GRK5: variants seen among roughly 807,000 people sequenced by gnomAD.
GRK5 encodes g protein-coupled receptor kinase GRK5.
In GRK5, 40 loss-of-function variants were observed where a neutral mutation model predicts 78.4. The ratio of observed to expected loss-of-function variants is 0.51; its 90% confidence interval spans 0.40 to 0.66. The LOEUF is 0.66. Among genes scored for constraint, GRK5 ranks in the 30% least tolerant of loss-of-function variants. The pLI is 0.00. For synonymous variants in GRK5, 289 were observed against 296.8 expected, an observed-to-expected ratio of 0.97 and a Z score of 0.27; for missense variants, 598 against 759.9, an observed-to-expected ratio of 0.79 and a Z score of 2.50.
chr10:119,431,890 G>A lies in GRK5; in HGVS notation c.738+363G>A, dbSNP rs181084381. Among the ~76,000 whole-genome samples, 184 of 152,332 alleles carry A rather than the reference G, an allele frequency of 1.2e-3. No individual in the cohort carries two copies. Among genetic ancestry groups the A allele is most frequent in the African/African-American group, 3.7e-3 (154 of 41,576 alleles). ...ACAGACCCTCTAGGCTGGTGCCATCGTGGTGGGGACCTTAGTGCCAGCATC... is the reference window on the plus strand; with the variant it reads ...ACAGACCCTCTAGGCTGGTGCCATCATGGTGGGGACCTTAGTGCCAGCATC... On this transcript the variant is annotated intron_variant, in intron 8 of 15. Transcript: ENST00000392870. The surrounding 1 kb of genome is among the most constrained non-coding windows in gnomAD (Gnocchi z 4.8).
At chr10:119,390,374 G>C (rs979893765) in intron 3 of GRK5, among the ~76,000 whole-genome samples, 2 of 152,142 alleles carry the variant, frequency 1.3e-5, no homozygotes. Context: ...AGCGTGTGCA[G>C]CAGAACTGCC....
At chr10:119,405,294 A>AT (rs1852218203) in intron 4 of GRK5, among the ~76,000 whole-genome samples, 1 of 152,052 alleles carries the variant, frequency 6.6e-6, no homozygotes, top group South Asian at 2.1e-4. Flanking sequence ...CTTAGAGCGC[A>AT]TTTCTTGCCA....
intron 1 of GRK5, among the ~76,000 whole-genome samples, chr10:119,322,314 G>T (rs867105700): frequency 6.6e-6 from 1 of 152,136 alleles, no homozygotes; most frequent in Non-Finnish European, 1.5e-5. Context: ...TGTGCACAGC[G>T]CAATATTTAA....
chr10:119,451,009 C>G (rs1201396739), intron 13 of GRK5, among the ~76,000 whole-genome samples: 1 of 91,158 alleles, frequency 1.1e-5, no homozygotes, highest in Non-Finnish European at 2.3e-5. Context: ...TGCCAGCCCC[C>G]CACAGTCTTC....
At chr10:119,262,677 G>A (rs978463741) in intron 1 of GRK5, among the ~76,000 whole-genome samples, 5 of 152,070 alleles carry the variant, frequency 3.3e-5, no homozygotes, top group African/African-American at 1.2e-4. Context: ...CTTGGCTTCA[G>A]GAAATGACCA....
intron 5 of GRK5, among the ~76,000 whole-genome samples, chr10:119,424,790 G>A (rs1852639761): frequency 6.6e-6 from 1 of 152,140 alleles, no homozygotes; most frequent in South Asian, 2.1e-4. Context: ...CCCAACACTT[G>A]GCAGGTACCC....
chr10:119,313,169 G>A (rs908929431), intron 1 of GRK5, among the ~76,000 whole-genome samples: 1 of 151,130 alleles, frequency 6.6e-6, no homozygotes, highest in South Asian at 2.1e-4. Flanking sequence ...TAATGGTAGT[G>A]GTGGTGGTGA....
intron 1 of GRK5, among the ~76,000 whole-genome samples, chr10:119,291,931 T>TCC: frequency 6.8e-6 from 1 of 147,788 alleles, no homozygotes; most frequent in Non-Finnish European, 1.5e-5. Flanking sequence ...TTCCTCCTTC[T>TCC]TTTCCTCCTC....
intron 1 of GRK5, among the ~76,000 whole-genome samples, chr10:119,278,227 C>T (rs1024185952): frequency 2.0e-5 from 3 of 152,110 alleles, no homozygotes; most frequent in Admixed American, 6.5e-5. Flanking sequence ...TGGCCCTGAG[C>T]GATGGCTCCT....
chr10:119,329,749 C>CA (rs561039971), intron 2 of GRK5, among the ~76,000 whole-genome samples: 126 of 150,812 alleles, frequency 8.4e-4, no homozygotes, highest in African/African-American at 2.9e-3. Context: ...AAAACAAAAA[C>CA]AAAAAAAACC....
intron 2 of GRK5, among the ~76,000 whole-genome samples, chr10:119,363,968 G>A (rs1020754207): frequency 6.6e-6 from 1 of 152,194 alleles, no homozygotes; most frequent in Non-Finnish European, 1.5e-5. Context: ...ACTATGCATG[G>A]GTTCACGCCT....
intron 3 of GRK5, among the ~76,000 whole-genome samples, chr10:119,386,236 G>A (rs1013668149): frequency 1.3e-5 from 2 of 152,194 alleles, no homozygotes; most frequent in Admixed American, 6.5e-5. Context: ...CTGGGCTGGA[G>A]GAGCTCACCA....
chr10:119,446,672 G>A (rs2133913463), intron 12 of GRK5, among the ~76,000 whole-genome samples: 1 of 152,350 alleles, frequency 6.6e-6, no homozygotes, highest in Admixed American at 6.5e-5. Flanking sequence ...TGAGCCGCCA[G>A]CCTGGTGGTC....
chr10:119,248,849 GTTGTGACAGAGACCA>G, intron 1 of GRK5, among the ~76,000 whole-genome samples: 1 of 152,246 alleles, frequency 6.6e-6, no homozygotes, highest in South Asian at 2.1e-4. Flanking sequence ...GAATTGAGTA[GTTGTGACAGAGACCA>G]TATGGCCCAC....
chr10:119,444,768 G>C (rs373302389), intron 12 of GRK5, among the ~76,000 whole-genome samples: 84 of 152,282 alleles, frequency 5.5e-4, no homozygotes, highest in African/African-American at 1.5e-3. Flanking sequence ...AGCCTGGGAG[G>C]GGGGAGCCAC....
chr10:119,242,378 A>C (rs1302097591), intron 1 of GRK5, among the ~76,000 whole-genome samples: 1 of 151,658 alleles, frequency 6.6e-6, no homozygotes, highest in East Asian at 1.9e-4. Flanking sequence ...CTGAAAGCCC[A>C]CAAGCTGTGC....
At chr10:119,236,471 C>T (rs1848933240) in intron 1 of GRK5, among the ~76,000 whole-genome samples, 1 of 152,180 alleles carries the variant, frequency 6.6e-6, no homozygotes, top group Admixed American at 6.5e-5. Context: ...GCCTTGGCCT[C>T]CCAAAGTGCT....
At chr10:119,291,292 G>A (rs1022921017) in intron 1 of GRK5, among the ~76,000 whole-genome samples, 3 of 152,184 alleles carry the variant, frequency 2.0e-5, no homozygotes, top group African/African-American at 7.2e-5. Flanking sequence ...AGGAGATGCA[G>A]TGAAGCTACA....
Position 119,207,828 on chromosome 10 carries a change from G to A in GRK5, c.-90G>A. On this transcript the variant is annotated 5_prime_UTR_variant, in exon 1 of 16. Coordinates refer to ENST00000392870, the MANE Select transcript of GRK5 (RefSeq NM_005308.3). ...GGCTCCCCCGGCTCCGGCAGCAGCGGCGGCAGCCCGAGCAGCGGCAGCAGC... is the reference window on the plus strand; with the variant it reads ...GGCTCCCCCGGCTCCGGCAGCAGCGACGGCAGCCCGAGCAGCGGCAGCAGC... The A allele has an allele frequency of 7.8e-7, 1 of 1,281,076 alleles. No homozygotes were observed. The highest frequency in any genetic ancestry group is 1.1e-6 in the Non-Finnish European group (1 of 930,124). The allele number at this position is 1,281,076 out of a possible 1,614,324, so 79.4% of individuals were successfully genotyped here. A position where few individuals can be genotyped will look rare whatever the true frequency, so the allele number is the denominator to read the frequency against.
Sources: allele counts gnomAD v4.1 joint callset (sites outside exome capture counted in the v4.1 genomes callset), GRCh38; gene constraint gnomAD v4.1.1; non-coding constraint Gnocchi (gnomAD v3.1); transcripts MANE v1.5; gene names NCBI Gene and HGNC (gene_info 2026-07-23, HGNC 2026-07-21).